Variants in CNTLN observed in about 807,000 individuals in gnomAD.
CNTLN encodes the protein centlein, centrosomal protein.
In CNTLN, 212 loss-of-function variants were observed where a neutral mutation model predicts 180.0. The observed-to-expected ratio is 1.18, with a 90% CI of 1.05 to 1.32. CNTLN has a LOEUF of 1.32. Ranked by LOEUF, CNTLN falls within the 40% of genes most tolerant of loss-of-function variation. The pLI is 0.00. For missense variants in CNTLN, 2,095 were observed against 1,610.9 expected, an observed-to-expected ratio of 1.30 and a Z score of -5.14; for synonymous variants, 722 against 563.1, an observed-to-expected ratio of 1.28 and a Z score of -3.99.
At position 17,273,725 on chromosome 9, in the gene CNTLN, A is replaced by G. The variant is rs554690309; in HGVS notation, c.850-8A>G. 7 of 1,458,122 alleles carry G rather than the reference A, an allele frequency of 4.8e-6. No individual in the cohort carries two copies. The East Asian group carries it at 1.3e-4, about 26-fold the overall frequency. The allele number at this position is 1,458,122 out of a possible 1,614,324, so 90.3% of individuals were successfully genotyped here. ...GTTTGATTATTGATATAAGCACTCTAATTTTAGACCTTTGAAGACAATTTA... is the reference window on the plus strand; with the variant it reads ...GTTTGATTATTGATATAAGCACTCTGATTTTAGACCTTTGAAGACAATTTA... On this transcript the variant is annotated splice_region_variant and splice_polypyrimidine_tract_variant and intron_variant, in intron 5 of 25. Transcript: ENST00000380647.
chr9:17,388,134 T>C, intron 13 of CNTLN, 28 bp from the exon 14 acceptor site: 1 of 1,449,802 alleles, frequency 6.9e-7, no homozygotes, highest in Non-Finnish European at 9.6e-7. Context: ...ACACGTGGTA[T>C]CATAATATAT....
rs1229702534 is a variant in CNTLN at position 17,135,175 on chromosome 9, A to T, written c.110A>T (p.Glu37Val). The change falls in exon 1 of 26, where the codon GAG becomes GTG. Residue 37 changes from glutamate (E) to valine (V), a missense_variant. By Grantham distance (121) the Glu-to-Val change is moderately radical. Transcript: ENST00000380647. ...GCTGAAGTACACGCAATGCGCAGCG[A>T]GGCCTCGGGTTTTGCCGGCGCAGCG... is the stretch of plus-strand genomic sequence containing the variant. ...RGAEVHAMRS[E>V]ASGFAGAARE... 6.2e-7 allele frequency: 1 copy of T among 1,610,400 alleles called. No individual in the cohort carries two copies. The highest frequency in any genetic ancestry group is 1.7e-5 in the Admixed American group (1 of 59,584).
chr9:17,481,278 C>G (rs1442528040), intron 23 of CNTLN, among the ~76,000 whole-genome samples: 1 of 152,176 alleles, frequency 6.6e-6, no homozygotes, highest in Non-Finnish European at 1.5e-5. Context: ...AGAATACAGT[C>G]AGTTACCTCA....
At chr9:17,488,747 C>T (rs1303828913) in intron 25 of CNTLN, among the ~76,000 whole-genome samples, 1 of 151,966 alleles carries the variant, frequency 6.6e-6, no homozygotes, top group Non-Finnish European at 1.5e-5. Flanking sequence ...GATATAGTGC[C>T]TTTTTGTGCC....
intron 15 of CNTLN, among the ~76,000 whole-genome samples, chr9:17,401,314 A>G (rs181177181): frequency 6.6e-6 from 1 of 152,340 alleles, no homozygotes; most frequent in Admixed American, 6.5e-5. Context: ...GAATCATTAA[A>G]TAATATTCAT....
At chr9:17,437,533 G>A (rs1829850052) in intron 18 of CNTLN, among the ~76,000 whole-genome samples, 1 of 152,044 alleles carries the variant, frequency 6.6e-6, no homozygotes, top group South Asian at 2.1e-4. Flanking sequence ...CAATGTTTCA[G>A]GAAGTGAAAA....
At chr9:17,471,704 C>T (rs1441724770) in intron 23 of CNTLN, among the ~76,000 whole-genome samples, 1 of 152,000 alleles carries the variant, frequency 6.6e-6, no homozygotes, top group East Asian at 1.9e-4. Flanking sequence ...TGATAATTTA[C>T]AGGGTTTTTC....
intron 15 of CNTLN, among the ~76,000 whole-genome samples, chr9:17,405,006 G>A (rs1827267127): frequency 6.6e-6 from 1 of 151,662 alleles, no homozygotes; most frequent in African/African-American, 2.4e-5. Context: ...CCAAAGTGCT[G>A]GGATTACAGA....
Position 17,466,152 on chromosome 9 carries a change from A to T in CNTLN, c.3669+34A>T, listed in dbSNP as rs769014946. 4 of 1,545,610 alleles carry T rather than the reference A, an allele frequency of 2.6e-6. No individual in the cohort carries two copies. In the Admixed American group the frequency reaches 5.4e-5, roughly 21 times the overall value. ...TTAAAAAGGGCATTTTAGATTACAG[A>T]TGGAATATAATCGTGTTTGTTTCAT... On this transcript the variant is annotated intron_variant, in intron 22 of 25. Transcript: ENST00000380647.
chr9:17,216,146 C>G (rs558334820), intron 2 of CNTLN, among the ~76,000 whole-genome samples: 3 of 152,262 alleles, frequency 2.0e-5, no homozygotes, highest in South Asian at 2.1e-4. Flanking sequence ...GAGTTGCTCA[C>G]TCTTGGAGCT....
At chr9:17,234,493 C>G (rs1023766826) in intron 3 of CNTLN, among the ~76,000 whole-genome samples, 1 of 152,092 alleles carries the variant, frequency 6.6e-6, no homozygotes, top group Non-Finnish European at 1.5e-5. Context: ...TATATTTTCA[C>G]TTTATTCCTA....
intron 18 of CNTLN, among the ~76,000 whole-genome samples, chr9:17,424,365 A>C (rs967037870): frequency 1.3e-5 from 2 of 152,188 alleles, no homozygotes; most frequent in African/African-American, 4.8e-5. Context: ...CCCAAATCTT[A>C]AGACTAACAG....
intron 6 of CNTLN, among the ~76,000 whole-genome samples, chr9:17,291,480 T>G (rs1018826639): frequency 2.6e-5 from 4 of 152,328 alleles, no homozygotes; most frequent in Middle Eastern, 3.4e-3. Flanking sequence ...TTTATGAATC[T>G]GGGTGCTCCT....
chr9:17,216,952 T>C (rs1823801075), intron 2 of CNTLN, among the ~76,000 whole-genome samples: 1 of 152,200 alleles, frequency 6.6e-6, no homozygotes. Context: ...TGCTGAGCAC[T>C]TTTCGTGTTG....
intron 18 of CNTLN, among the ~76,000 whole-genome samples, chr9:17,450,944 G>A (rs1332559689): frequency 2.0e-5 from 3 of 151,910 alleles, no homozygotes; most frequent in Non-Finnish European, 4.4e-5. Flanking sequence ...ACTAAACTTG[G>A]AAGTTATTAA....
At chr9:17,273,701 T>G (rs1828100631) in intron 5 of CNTLN, 32 bp from the exon 6 acceptor site, 1 of 1,204,584 alleles carries the variant, frequency 8.3e-7, no homozygotes, top group Admixed American at 2.8e-5. Flanking sequence ...ATTTATTATG[T>G]TTGATTATTG....
chr9:17,217,823 A>G (rs756302461), intron 2 of CNTLN, among the ~76,000 whole-genome samples: 2 of 152,254 alleles, frequency 1.3e-5, no homozygotes, highest in African/African-American at 4.8e-5. Flanking sequence ...AAATCAGGAA[A>G]TAGTCACTTA....
chr9:17,306,008 A>T (rs1283998792), intron 7 of CNTLN, among the ~76,000 whole-genome samples: 1 of 152,148 alleles, frequency 6.6e-6, no homozygotes, highest in Non-Finnish European at 1.5e-5. Context: ...CAAGACATAG[A>T]GTTTTTCCCA....
chr9:17,356,007 T>G (rs898805659), intron 12 of CNTLN, among the ~76,000 whole-genome samples: 6 of 143,548 alleles, frequency 4.2e-5, no homozygotes, highest in Non-Finnish European at 7.5e-5. Context: ...GAGCTTGCAG[T>G]GAGCCGAGAT....
Sources: allele counts gnomAD v4.1 joint callset (sites outside exome capture counted in the v4.1 genomes callset), GRCh38; gene constraint gnomAD v4.1.1; transcripts MANE v1.5; gene names NCBI Gene and HGNC (gene_info 2026-07-23, HGNC 2026-07-21).